UBE2E2: variants seen among roughly 807,000 people sequenced by gnomAD.
UBE2E2 encodes the protein ubiquitin conjugating enzyme E2 E2.
Under a neutral mutation model 24.7 loss-of-function variants are expected in UBE2E2, and 6 were observed. That is an observed-to-expected ratio of 0.24 (90% CI 0.13 to 0.48). The LOEUF (loss-of-function observed/expected upper bound fraction) is 0.48, where lower values mean the gene tolerates loss of function less well. UBE2E2 is among the 20% of genes least tolerant of loss of function. The pLI is 0.99. For synonymous variants in UBE2E2, 104 were observed against 83.6 expected (o/e 1.24, Z -1.33); for missense variants, 169 against 245.0 (o/e 0.69, Z 2.07).
At chr3:23,518,238 CAT>C (rs142477648) in intron 4 of UBE2E2, among the ~76,000 whole-genome samples, 4,386 of 152,086 alleles carry the variant, frequency 0.029, 107 homozygotes, top group East Asian at 0.13. Flanking sequence ...TGTCAGAAAT[CAT>C]AGAGTGGTAG....
intron 5 of UBE2E2, among the ~76,000 whole-genome samples, chr3:23,572,470 C>T (rs748291712): frequency 6.6e-6 from 1 of 152,108 alleles, no homozygotes; most frequent in Non-Finnish European, 1.5e-5. Context: ...TTCTGTTGAT[C>T]GTGTCACCCA....
intron 5 of UBE2E2, among the ~76,000 whole-genome samples, chr3:23,572,030 T>G (rs2125513070): frequency 6.6e-6 from 1 of 152,342 alleles, no homozygotes; most frequent in South Asian, 2.1e-4. Flanking sequence ...GAATTTGGGA[T>G]AGTTAATACC....
intron 3 of UBE2E2, among the ~76,000 whole-genome samples, chr3:23,436,414 G>A (rs13100986): frequency 2.6e-5 from 4 of 152,066 alleles, no homozygotes; most frequent in African/African-American, 9.7e-5. Context: ...GCATTTCTTA[G>A]TCCTGCGTTC....
intron 3 of UBE2E2, among the ~76,000 whole-genome samples, chr3:23,433,541 G>A (rs1003477989): frequency 4.0e-5 from 6 of 151,882 alleles, no homozygotes; most frequent in East Asian, 1.9e-4. Flanking sequence ...GTACATTGAC[G>A]CAGATTTATA....
intron 3 of UBE2E2, among the ~76,000 whole-genome samples, chr3:23,459,490 G>A (rs1575644484): frequency 6.6e-6 from 1 of 152,174 alleles, no homozygotes; most frequent in East Asian, 1.9e-4. Flanking sequence ...TAAGTGAGTA[G>A]TAACAGGACC....
intron 3 of UBE2E2, among the ~76,000 whole-genome samples, chr3:23,387,610 C>T (rs1575599504): frequency 6.6e-6 from 1 of 152,132 alleles, no homozygotes; most frequent in South Asian, 2.1e-4. Flanking sequence ...TTATCAATGG[C>T]TCATGTTTCT....
At chr3:23,265,584 G>A (rs891742231) in intron 3 of UBE2E2, among the ~76,000 whole-genome samples, 4 of 152,184 alleles carry the variant, frequency 2.6e-5, no homozygotes, top group African/African-American at 9.7e-5. Flanking sequence ...ATCTCCTCCA[G>A]TGCATAGGCT....
At chr3:23,349,608 C>A (rs565388911) in intron 3 of UBE2E2, among the ~76,000 whole-genome samples, 1 of 152,212 alleles carries the variant, frequency 6.6e-6, no homozygotes, top group African/African-American at 2.4e-5. Context: ...GAGGGTCCTA[C>A]GCCCACGGAA....
At chr3:23,427,768 A>G (rs188993214) in intron 3 of UBE2E2, among the ~76,000 whole-genome samples, 11 of 152,330 alleles carry the variant, frequency 7.2e-5, no homozygotes, top group African/African-American at 2.2e-4. Context: ...GGGAGTACCT[A>G]TATTAATTTC....
chr3:23,257,265 T>C (rs1046089682), intron 3 of UBE2E2, among the ~76,000 whole-genome samples: 4 of 152,120 alleles, frequency 2.6e-5, no homozygotes, highest in Admixed American at 2.0e-4. Flanking sequence ...CAGGCTAAGA[T>C]CTTTCTTGGT....
intron 4 of UBE2E2, among the ~76,000 whole-genome samples, chr3:23,526,105 G>C (rs1447583965): frequency 6.6e-6 from 1 of 152,184 alleles, no homozygotes; most frequent in Admixed American, 6.5e-5. Flanking sequence ...GAACATGTTT[G>C]CTGATGTAAC....
intron 5 of UBE2E2, among the ~76,000 whole-genome samples, chr3:23,569,379 C>T (rs1382738910): frequency 1.3e-5 from 2 of 152,132 alleles, no homozygotes; most frequent in African/African-American, 2.4e-5. Context: ...TTTGGAATGA[C>T]AAAAATATTC....
chr3:23,422,302 G>T (rs992351694), intron 3 of UBE2E2, among the ~76,000 whole-genome samples: 1 of 152,098 alleles, frequency 6.6e-6, no homozygotes, highest in Non-Finnish European at 1.5e-5. Flanking sequence ...ACATGGGCAG[G>T]TTAAGTTCTT....
intron 4 of UBE2E2, among the ~76,000 whole-genome samples, chr3:23,513,647 A>G (rs1266068299): frequency 6.6e-6 from 1 of 152,200 alleles, no homozygotes; most frequent in Non-Finnish European, 1.5e-5. Flanking sequence ...TGCCCTCCAA[A>G]GAAGCTATAC....
chr3:23,206,966 T>C (rs952300441), intron 1 of UBE2E2, among the ~76,000 whole-genome samples: 1 of 152,230 alleles, frequency 6.6e-6, no homozygotes, highest in Non-Finnish European at 1.5e-5. Context: ...AAGGAATTTG[T>C]TCAGTGTACC....
intron 5 of UBE2E2, among the ~76,000 whole-genome samples, chr3:23,534,975 T>G (rs1044951950): frequency 1.3e-5 from 2 of 152,232 alleles, no homozygotes; most frequent in African/African-American, 4.8e-5. Flanking sequence ...TAAATCTTTT[T>G]CATACTCTTT....
intron 4 of UBE2E2, among the ~76,000 whole-genome samples, chr3:23,512,920 C>CCATACATA (rs112434628): frequency 2.6e-5 from 4 of 151,648 alleles, no homozygotes; most frequent in South Asian, 4.2e-4. Context: ...AGGACCTTGA[C>CCATACATA]CATACATACA....
intron 4 of UBE2E2, among the ~76,000 whole-genome samples, chr3:23,522,679 A>G (rs1694897599): frequency 6.6e-6 from 1 of 152,204 alleles, no homozygotes; most frequent in African/African-American, 2.4e-5. Flanking sequence ...TATCTCCTTC[A>G]AAAGAAAGTA....
At chr3:23,316,763 A>G (rs921769924) in intron 3 of UBE2E2, among the ~76,000 whole-genome samples, 3 of 151,984 alleles carry the variant, frequency 2.0e-5, no homozygotes, top group African/African-American at 7.2e-5. Flanking sequence ...GGCATGTACT[A>G]CCTTGGCTAC....
Sources: gnomAD v4.1 joint callset for allele counts (sites outside exome capture counted in the v4.1 genomes callset) on GRCh38, gnomAD v4.1.1 for gene constraint, MANE v1.5 for transcripts, NCBI Gene and HGNC (gene_info 2026-07-23, HGNC 2026-07-21) for gene names.